The following ZNF516 variants were observed in gnomAD, a reference collection of about 807,000 sequenced individuals.
ZNF516 encodes the protein zinc finger protein 516.
ZNF516 carries 19 observed loss-of-function variants against 79.7 expected under a neutral mutation model. The observed-to-expected ratio is 0.24, with a 90% CI of 0.17 to 0.35. The LOEUF is 0.35. ZNF516 is among the 10% of genes least tolerant of loss of function. The pLI is 1.00. For missense variants in ZNF516, 1,678 were observed against 1,679.5 expected, an observed-to-expected ratio of 1.00 and a Z score of 0.02; for synonymous variants, 877 against 739.5, an observed-to-expected ratio of 1.19 and a Z score of -3.02.
chr18:76,438,658 C>T (rs2145510405), intron 3 of ZNF516, among the ~76,000 whole-genome samples: 1 of 152,170 alleles, frequency 6.6e-6, no homozygotes, highest in African/African-American at 2.4e-5. Flanking sequence ...TAGATGGCAA[C>T]ATTCAACTGA....
rs1267813907 is a variant in ZNF516, at chr18:76,467,466, C to T, written c.-271-4325G>A. Among the ~76,000 whole-genome samples, 1 of 152,198 alleles carries T rather than the reference C, an allele frequency of 6.6e-6. No individual in the cohort carries two copies. Among genetic ancestry groups the T allele is most frequent in the Non-Finnish European group, 1.5e-5 (1 of 68,030 alleles). ...TGCCCTGAGATCTCTCTCGCCCTAA[C>T]TAGATATTAAGCACACCTCGGGGGC... On this transcript the variant is annotated intron_variant, in intron 1 of 6. Coordinates refer to ENST00000443185, the MANE Select transcript of ZNF516 (RefSeq NM_014643.4). The surrounding 1 kb of genome is among the most constrained non-coding windows in gnomAD (Gnocchi z 4.2).
chr18:76,492,574 ATC>A, intron 1 of ZNF516: 1 of 390,572 alleles, frequency 2.6e-6, no homozygotes, highest in Non-Finnish European at 3.5e-6. Flanking sequence ...CGGAGTTCAC[ATC>A]AGTTTCAGCA....
At chr18:76,466,545 C>G (rs1417135224) in intron 1 of ZNF516, among the ~76,000 whole-genome samples, 2 of 152,248 alleles carry the variant, frequency 1.3e-5, no homozygotes, top group African/African-American at 4.8e-5. Context: ...TTGGCTGGCA[C>G]GGCCGGACCC....
chr18:76,360,642 AAAAAATATATAT>A lies in ZNF516; in HGVS notation c.*1844_*1855del, dbSNP rs960450621. On this transcript the variant is annotated 3_prime_UTR_variant, in exon 7 of 7. Transcript: ENST00000443185. ...TCAGAAAAAAATAAGTAAAAAAAAA[AAAAAATATATAT>A]ATATATATATATATATATATATATA... 5.6e-5 allele frequency: 6 copies of A among 107,056 alleles called. No homozygotes were observed. The allele number at this position is 107,056 out of a possible 1,614,324, so 6.6% of individuals were successfully genotyped here. A position where few individuals can be genotyped will look rare whatever the true frequency, so the allele number is the denominator to read the frequency against.
At position 76,385,548 on chromosome 18, in the gene ZNF516, T is replaced by TG. The variant is rs574855516; in HGVS notation, c.1811-5246dup. 3.3e-5 allele frequency: 5 copies of TG among 152,404 alleles called. No homozygotes were observed. The East Asian group carries it at 9.6e-4, about 29-fold the overall frequency. 9.4% of individuals were successfully genotyped at this position (152,404 alleles called of 1,614,324 possible). A position where few individuals can be genotyped will look rare whatever the true frequency, so the allele number is the denominator to read the frequency against. On this transcript the variant is annotated intron_variant, in intron 3 of 6. Transcript: ENST00000443185. ...GGCGCTCCCCTTCCGCGCTTACGGC[T>TG]GCTCTGGGGCTGCCTATTCGTCATG...
intron 2 of ZNF516, among the ~76,000 whole-genome samples, chr18:76,447,518 C>T (rs1490208049): frequency 6.6e-6 from 1 of 152,218 alleles, no homozygotes; most frequent in African/African-American, 2.4e-5. Context: ...CTGTAACACA[C>T]GGGCCTGGAG....
At chr18:76,480,516 C>CAA (rs1318148068) in intron 1 of ZNF516, among the ~76,000 whole-genome samples, 3 of 76,446 alleles carry the variant, frequency 3.9e-5, no homozygotes, top group African/African-American at 2.5e-4. Context: ...CACACACACA[C>CAA]ACACACACAT....
At chr18:76,491,165 C>G (rs1305932080) in intron 1 of ZNF516, 1 of 935,306 alleles carries the variant, frequency 1.1e-6, no homozygotes, top group Non-Finnish European at 1.3e-6. Context: ...TACCTGGGCT[C>G]CGCCGCGCCT....
intron 3 of ZNF516, among the ~76,000 whole-genome samples, chr18:76,403,229 A>G (rs574686801): frequency 2.0e-5 from 3 of 152,196 alleles, no homozygotes; most frequent in Non-Finnish European, 4.4e-5. Flanking sequence ...ATACTGGTGC[A>G]CCCGTTAAGA....
chr18:76,367,378 T>A (rs2074629668), intron 6 of ZNF516, among the ~76,000 whole-genome samples: 1 of 152,226 alleles, frequency 6.6e-6, no homozygotes, highest in Admixed American at 6.5e-5. Context: ...TGTGACCTGC[T>A]CATTCTTCTC....
intron 2 of ZNF516, among the ~76,000 whole-genome samples, chr18:76,457,428 A>G (rs952265559): frequency 3.3e-5 from 5 of 152,226 alleles, no homozygotes; most frequent in Non-Finnish European, 7.3e-5. Flanking sequence ...ATCATGCTTT[A>G]AAGAGGGATG....
chr18:76,400,537 C>T (rs2075204760), intron 3 of ZNF516, among the ~76,000 whole-genome samples: 3 of 152,178 alleles, frequency 2.0e-5, no homozygotes, highest in Admixed American at 2.0e-4. Flanking sequence ...AATTCACAAC[C>T]TGGCTGGTAC....
intron 3 of ZNF516, among the ~76,000 whole-genome samples, chr18:76,407,700 A>G (rs2075321097): frequency 6.6e-6 from 1 of 152,170 alleles, no homozygotes; most frequent in African/African-American, 2.4e-5. Context: ...ACCCAACACG[A>G]CATGCAGTTT....
chr18:76,429,497 G>A lies in ZNF516; in HGVS notation c.1810+11748C>T, dbSNP rs7244079. 2.7e-3 allele frequency among the ~76,000 whole-genome samples: 410 copies of A among 152,276 alleles called. 2 individuals are homozygous for A. Among genetic ancestry groups the A allele is most frequent in the African/African-American group, 9.5e-3 (395 of 41,570 alleles). On this transcript the variant is annotated intron_variant, in intron 3 of 6. Coordinates refer to ENST00000443185, the MANE Select transcript of ZNF516 (RefSeq NM_014643.4). ...GCCCATTCTAGTAAGAAGAGGAGTA[G>A]GGGGAGGAACAGAGGTGCCCACAGT...
chr18:76,404,390 A>T (rs2075272325), intron 3 of ZNF516, among the ~76,000 whole-genome samples: 1 of 152,022 alleles, frequency 6.6e-6, no homozygotes, highest in African/African-American at 2.4e-5. Context: ...CGGCAGTTTT[A>T]GAGTATCTGT....
At chr18:76,366,956 C>G (rs689896) in intron 6 of ZNF516, among the ~76,000 whole-genome samples, 104,183 of 152,072 alleles carry the variant, frequency 0.69, 36,050 homozygotes, top group African/African-American at 0.78. Flanking sequence ...GGCTGACCTT[C>G]AATGAATTTA....
chr18:76,439,503 T>G (rs1015196470), intron 3 of ZNF516, among the ~76,000 whole-genome samples: 2 of 152,216 alleles, frequency 1.3e-5, no homozygotes, highest in Non-Finnish European at 1.5e-5. Context: ...GTATTAACTT[T>G]CTCAAAAAGT....
chr18:76,483,973 A>G (rs998330832), intron 1 of ZNF516, among the ~76,000 whole-genome samples: 13 of 152,038 alleles, frequency 8.6e-5, no homozygotes, highest in African/African-American at 2.2e-4. Context: ...TTTACTCAAC[A>G]TGTTTCTTCT....
chr18:76,426,991 C>G (rs7229901), intron 3 of ZNF516, among the ~76,000 whole-genome samples: 1 of 152,122 alleles, frequency 6.6e-6, no homozygotes, highest in South Asian at 2.1e-4. Context: ...CATCCCACCT[C>G]CAAGTCCCAG....
Sources: gnomAD v4.1 joint callset for allele counts (sites outside exome capture counted in the v4.1 genomes callset) on GRCh38, gnomAD v4.1.1 for gene constraint, Gnocchi (gnomAD v3.1) non-coding constraint, MANE v1.5 for transcripts, NCBI Gene and HGNC (gene_info 2026-07-23, HGNC 2026-07-21) for gene names.